Variants in GABRB3 observed in about 807,000 individuals in gnomAD.
GABRB3 encodes gamma-aminobutyric acid type A receptor subunit beta3.
In GABRB3, 14 loss-of-function variants were observed where a neutral mutation model predicts 52.1. The observed-to-expected ratio is 0.27, with a 90% CI of 0.18 to 0.42. GABRB3 has a LOEUF of 0.42. Among genes scored for constraint, GABRB3 ranks in the 10% least tolerant of loss-of-function variants. The probability of loss-of-function intolerance (pLI) is 1.00; values close to 1 mark genes in which losing one functional copy is unlikely to be tolerated. For synonymous variants in GABRB3, 260 were observed against 232.3 expected, an observed-to-expected ratio of 1.12 and a Z score of -1.08; for missense variants, 307 against 609.1, an observed-to-expected ratio of 0.50 and a Z score of 5.22.
intron 4 of GABRB3, among the ~76,000 whole-genome samples, chr15:26,616,978 A>T (rs1342159874): frequency 6.6e-6 from 1 of 152,040 alleles, no homozygotes; most frequent in Non-Finnish European, 1.5e-5. Context: ...CAAAAAGTGT[A>T]TGTGTCGAGG....
intron 3 of GABRB3, among the ~76,000 whole-genome samples, chr15:26,625,702 T>C (rs1892664888): frequency 6.6e-6 from 1 of 151,974 alleles, no homozygotes; most frequent in South Asian, 2.1e-4. Context: ...AAATAAGAAA[T>C]GACTGGGAAG....
At chr15:26,678,634 G>C (rs940691785) in intron 3 of GABRB3, among the ~76,000 whole-genome samples, 4 of 152,148 alleles carry the variant, frequency 2.6e-5, no homozygotes, top group Non-Finnish European at 4.4e-5. Flanking sequence ...GAGAAAGCCA[G>C]AGCAAGAGAA....
chr15:26,564,836 C>A (rs147361523), intron 7 of GABRB3, among the ~76,000 whole-genome samples: 4 of 152,242 alleles, frequency 2.6e-5, no homozygotes, highest in African/African-American at 9.6e-5. Context: ...TAAACAAATC[C>A]ATGACTTTTA....
intron 3 of GABRB3, among the ~76,000 whole-genome samples, chr15:26,640,061 C>T (rs1456883754): frequency 6.6e-6 from 1 of 152,188 alleles, no homozygotes; most frequent in African/African-American, 2.4e-5. Context: ...GCAGGGCACT[C>T]CCTCAGCTAC....
intron 3 of GABRB3, among the ~76,000 whole-genome samples, chr15:26,646,152 C>T (rs1893342886): frequency 6.6e-6 from 1 of 152,094 alleles, no homozygotes; most frequent in Non-Finnish European, 1.5e-5. Flanking sequence ...TCCATGACTG[C>T]AGTCTAACTT....
intron 3 of GABRB3, among the ~76,000 whole-genome samples, chr15:26,648,557 TA>T (rs1395984312): frequency 1.3e-5 from 2 of 152,058 alleles, no homozygotes; most frequent in Admixed American, 6.6e-5. Context: ...GGCCATCAGT[TA>T]AAAATACTGA....
At chr15:26,731,833 T>C (rs1441827598) in intron 3 of GABRB3, among the ~76,000 whole-genome samples, 2 of 152,222 alleles carry the variant, frequency 1.3e-5, no homozygotes, top group African/African-American at 2.4e-5. Context: ...CAAAACAACC[T>C]TTACCTCTTC....
At chr15:26,674,272 G>A (rs1398462562) in intron 3 of GABRB3, among the ~76,000 whole-genome samples, 1 of 151,228 alleles carries the variant, frequency 6.6e-6, no homozygotes, top group Non-Finnish European at 1.5e-5. Context: ...ATGGTGGCAG[G>A]TCCCTGTAAT....
At chr15:26,727,977 C>T (rs1278316831) in intron 3 of GABRB3, among the ~76,000 whole-genome samples, 5 of 152,184 alleles carry the variant, frequency 3.3e-5, no homozygotes, top group Admixed American at 3.3e-4. Context: ...TCCTTACTAA[C>T]TAGAATACAA....
chr15:26,586,866 T>C (rs1032568937), intron 4 of GABRB3, among the ~76,000 whole-genome samples: 1 of 151,502 alleles, frequency 6.6e-6, no homozygotes, highest in Non-Finnish European at 1.5e-5. Context: ...AAGTAGAGAG[T>C]AGAATGGTGG....
chr15:26,733,892 T>G (rs1192903756), intron 3 of GABRB3, among the ~76,000 whole-genome samples: 1 of 152,194 alleles, frequency 6.6e-6, no homozygotes, highest in Non-Finnish European at 1.5e-5. Context: ...GACAGTCTTT[T>G]GAACAAATGT....
chr15:26,670,566 C>T (rs559172462), intron 3 of GABRB3, among the ~76,000 whole-genome samples: 1 of 152,346 alleles, frequency 6.6e-6, no homozygotes, highest in East Asian at 1.9e-4. Context: ...AGCCGCGCGG[C>T]CGTCACAGGA....
At chr15:26,648,331 G>A (rs1370047634) in intron 3 of GABRB3, among the ~76,000 whole-genome samples, 1 of 152,186 alleles carries the variant, frequency 6.6e-6, no homozygotes, top group Non-Finnish European at 1.5e-5. Context: ...TGCTTTTCAA[G>A]GCTCAACAAT....
At position 26,604,126 on chromosome 15, in the gene GABRB3, T is replaced by C. The variant is rs1891690949; in HGVS notation, c.461+17188A>G. The stretch of plus-strand genomic sequence containing the variant: ...AAGTAGCACTTCTATATGGCAACAG[T>C]GAACAATCTAAAAAAGAAATTTAAA... On this transcript the variant is annotated intron_variant, in intron 4 of 8. Coordinates refer to ENST00000311550, the MANE Select transcript of GABRB3 (RefSeq NM_000814.6). Among the ~76,000 whole-genome samples the C allele has an allele frequency of 2.0e-5, 3 of 151,956 alleles. No homozygotes were observed. In the South Asian group the frequency reaches 6.2e-4, roughly 31 times the overall value.
intron 4 of GABRB3, among the ~76,000 whole-genome samples, chr15:26,601,385 G>T (rs1301834002): frequency 6.6e-6 from 1 of 151,684 alleles, no homozygotes; most frequent in Non-Finnish European, 1.5e-5. Flanking sequence ...TCTCCAGCCT[G>T]GGCGACACAG....
intron 4 of GABRB3, among the ~76,000 whole-genome samples, chr15:26,609,696 T>C (rs1347812739): frequency 6.6e-6 from 1 of 152,204 alleles, no homozygotes; most frequent in African/African-American, 2.4e-5. Flanking sequence ...AATATGTTAT[T>C]TTTAAGTTCT....
intron 4 of GABRB3, among the ~76,000 whole-genome samples, chr15:26,595,876 A>G (rs148051076): frequency 7.5e-4 from 114 of 152,192 alleles, no homozygotes; most frequent in Non-Finnish European, 1.3e-3. Flanking sequence ...TTCCCTCCCT[A>G]TGCTATATAA....
chr15:26,688,169 C>G (rs142964499), intron 3 of GABRB3, among the ~76,000 whole-genome samples: 1 of 152,166 alleles, frequency 6.6e-6, no homozygotes, highest in African/African-American at 2.4e-5. Flanking sequence ...GCAAGTATAT[C>G]CAATACCTTT....
chr15:26,617,703 T>C (rs894183733), intron 4 of GABRB3, among the ~76,000 whole-genome samples: 31 of 151,912 alleles, frequency 2.0e-4, no homozygotes, highest in African/African-American at 6.0e-4. Context: ...GGTATTCAAT[T>C]AGGAAAAGAG....
Sources: gnomAD v4.1 joint callset for allele counts (sites outside exome capture counted in the v4.1 genomes callset) on GRCh38, gnomAD v4.1.1 for gene constraint, MANE v1.5 for transcripts, NCBI Gene and HGNC (gene_info 2026-07-23, HGNC 2026-07-21) for gene names.